The following DTNA variants were observed in gnomAD, a reference collection of about 807,000 sequenced individuals.
DTNA encodes dystrophin-related protein 3.
Under a neutral mutation model 100.7 loss-of-function variants are expected in DTNA, and 43 were observed. The ratio of observed to expected loss-of-function variants is 0.43; its 90% CI spans 0.33 to 0.55. The LOEUF (loss-of-function observed/expected upper bound fraction) is 0.55. DTNA is among the 20% of genes least tolerant of loss of function. The probability of loss-of-function intolerance (pLI) is 0.04; values close to 1 mark genes in which losing one functional copy is unlikely to be tolerated. For synonymous variants in DTNA, 349 were observed against 347.9 expected, an observed-to-expected ratio of 1.00 and a Z score of -0.04; for missense variants, 798 against 953.9, an observed-to-expected ratio of 0.84 and a Z score of 2.15.
At chr18:34,612,396 G>T (rs963167918) in intron 1 of DTNA, among the ~76,000 whole-genome samples, 2 of 152,136 alleles carry the variant, frequency 1.3e-5, no homozygotes, top group African/African-American at 4.8e-5. Context: ...AGGTCTCCCA[G>T]GCCCCCAGGG....
intron 1 of DTNA, among the ~76,000 whole-genome samples, chr18:34,573,817 T>TA (rs2047838073): frequency 6.6e-6 from 1 of 152,234 alleles, no homozygotes; most frequent in East Asian, 1.9e-4. Context: ...CCTGCCTAGC[T>TA]AAAATTGCGT....
chr18:34,833,056 A>G lies in DTNA; in HGVS notation c.1175+3567A>G, dbSNP rs936037330. ...TATTTCAAATATTGTTTTTCTTTTA[A>G]CCATTGCGATAATTATTCTATATTA... On this transcript the variant is annotated intron_variant, in intron 11 of 22. Transcript: ENST00000444659. Among the ~76,000 whole-genome samples, 9 of 152,294 alleles carry G rather than the reference A, an allele frequency of 5.9e-5. No homozygotes were observed. In the South Asian group the frequency reaches 1.9e-3, roughly 32 times the overall value.
At position 34,575,028 on chromosome 18, in the gene DTNA, G is replaced by A. The variant is rs561894192; in HGVS notation, c.-2+81514G>A. ...GCTTTTACTAAAATAGTACAACAAC[G>A]TAGAAATAATTCTTTTCTATAGGTG... On this transcript the variant is annotated intron_variant, in intron 1 of 19. Transcript: ENST00000283365. Among the ~76,000 whole-genome samples, 16 of 152,274 alleles carry A rather than the reference G, an allele frequency of 1.1e-4. No homozygotes were observed. The South Asian group carries it at 1.9e-3, about 18-fold the overall frequency.
chr18:34,875,017 T>C (rs186560814), intron 17 of DTNA, among the ~76,000 whole-genome samples: 4 of 152,338 alleles, frequency 2.6e-5, no homozygotes, highest in Non-Finnish European at 4.4e-5. Context: ...GTACTAATAG[T>C]TTTAGCTTTC....
chr18:34,597,591 A>G lies in DTNA; in HGVS notation c.-2+104077A>G, dbSNP rs186786540. On this transcript the variant is annotated intron_variant, in intron 1 of 19. Coordinates refer to the DTNA transcript ENST00000283365. Reference sequence around the variant, plus strand: ...TTAGTGATTCATGACTCCCTTCAAAATAAAGCTTAGTGTCCTTAGTATGTC... The same window carrying G: ...TTAGTGATTCATGACTCCCTTCAAAGTAAAGCTTAGTGTCCTTAGTATGTC... Among the ~76,000 whole-genome samples, 14 of 152,286 alleles carry G rather than the reference A, an allele frequency of 9.2e-5. No homozygotes were observed. In the East Asian group the frequency reaches 2.7e-3, roughly 29 times the overall value.
intron 1 of DTNA, among the ~76,000 whole-genome samples, chr18:34,645,537 C>G (rs2059734225): frequency 6.6e-6 from 1 of 151,912 alleles, no homozygotes; most frequent in African/African-American, 2.4e-5. Context: ...ATAGAAAAAC[C>G]TACAGATATG....
intron 13 of DTNA, among the ~76,000 whole-genome samples, chr18:34,842,554 TCATGGGGTTCTCC>T (rs1447211879): frequency 7.2e-5 from 11 of 152,162 alleles, no homozygotes; most frequent in African/African-American, 2.7e-4. Flanking sequence ...GCCTCAGATC[TCATGGGGTTCTCC>T]CATTCAATCA....
At chr18:34,508,699 C>A (rs1006580661) in intron 1 of DTNA, among the ~76,000 whole-genome samples, 10 of 152,136 alleles carry the variant, frequency 6.6e-5, no homozygotes, top group Non-Finnish European at 1.3e-4. Context: ...TTTACACTTT[C>A]AACTAGCAAT....
chr18:34,688,352 C>T (rs558134084), intron 1 of DTNA, among the ~76,000 whole-genome samples: 51 of 152,274 alleles, frequency 3.3e-4, no homozygotes, highest in African/African-American at 1.2e-3. Context: ...GACAAAATCC[C>T]TTAGTATTTG....
intron 1 of DTNA, among the ~76,000 whole-genome samples, chr18:34,507,402 T>C (rs185151058): frequency 5.9e-5 from 9 of 152,318 alleles, no homozygotes; most frequent in African/African-American, 2.2e-4. Flanking sequence ...GAGGAGCACC[T>C]CCTAGAAATT....
intron 1 of DTNA, among the ~76,000 whole-genome samples, chr18:34,586,606 G>A (rs2049162870): frequency 6.6e-6 from 1 of 152,122 alleles, no homozygotes; most frequent in African/African-American, 2.4e-5. Context: ...ACACAAAACA[G>A]AATTGTCGTA....
At chr18:34,860,443 T>C (rs1463297852) in intron 16 of DTNA, among the ~76,000 whole-genome samples, 1 of 152,178 alleles carries the variant, frequency 6.6e-6, no homozygotes, top group Non-Finnish European at 1.5e-5. Flanking sequence ...CTTTTTATAG[T>C]AAGTACAGAT....
At chr18:34,595,041 T>A (rs2050310664) in intron 1 of DTNA, among the ~76,000 whole-genome samples, 1 of 152,242 alleles carries the variant, frequency 6.6e-6, no homozygotes, top group South Asian at 2.1e-4. Context: ...ATACTTATAA[T>A]TAACCCCTTT....
At position 34,888,828 on chromosome 18, in the gene DTNA, G is replaced by T. The variant is rs1208294533; in HGVS notation, c.*1094G>T. 3.0e-6 allele frequency: 3 copies of T among 985,760 alleles called. No individual in the cohort carries two copies. The highest frequency in any genetic ancestry group is 4.7e-5 in the South Asian group (1 of 21,278). 61.1% of individuals were successfully genotyped at this position (985,760 alleles called of 1,614,324 possible). On this transcript the variant is annotated 3_prime_UTR_variant, in exon 23 of 23. Transcript: ENST00000444659. The stretch of plus-strand genomic sequence containing the variant: ...GGAGGCCTTCAGCTTTAAATGTACA[G>T]GCTTAAAGTGCGCTTGCAAACGTTT...
At chr18:34,746,954 C>T (rs2091679789) in intron 1 of DTNA, among the ~76,000 whole-genome samples, 1 of 152,050 alleles carries the variant, frequency 6.6e-6, no homozygotes, top group Admixed American at 6.6e-5. Flanking sequence ...TACAGTCTTA[C>T]CCAGAATAAG....
At chr18:34,631,782 T>G (rs558615076) in intron 1 of DTNA, among the ~76,000 whole-genome samples, 1 of 152,310 alleles carries the variant, frequency 6.6e-6, no homozygotes, top group African/African-American at 2.4e-5. Context: ...CCCTGAACTG[T>G]GTACCAAGGA....
chr18:34,814,634 G>A (rs1187778029), intron 6 of DTNA, among the ~76,000 whole-genome samples: 1 of 152,068 alleles, frequency 6.6e-6, no homozygotes, highest in African/African-American at 2.4e-5. Flanking sequence ...CAAGGTTGCA[G>A]TGAGCTATAA....
At chr18:34,714,783 G>C (rs542072028) in intron 1 of DTNA, among the ~76,000 whole-genome samples, 55 of 152,098 alleles carry the variant, frequency 3.6e-4, no homozygotes, top group Non-Finnish European at 6.2e-4. Flanking sequence ...CATTATTCAC[G>C]ATAGCAAAGA....
chr18:34,689,316 A>G (rs1334321910), intron 1 of DTNA, among the ~76,000 whole-genome samples: 1 of 150,934 alleles, frequency 6.6e-6, no homozygotes, highest in African/African-American at 2.5e-5. Context: ...TGACCTTCAG[A>G]TGGAGTTTTG....
Sources: allele counts gnomAD v4.1 joint callset (sites outside exome capture counted in the v4.1 genomes callset), GRCh38; gene constraint gnomAD v4.1.1; transcripts MANE v1.5; gene names NCBI Gene and HGNC (gene_info 2026-07-23, HGNC 2026-07-21).